TAOK3: variants seen among roughly 807,000 people sequenced by gnomAD.
The protein encoded by TAOK3 is serine/threonine-protein kinase TAO3.
Under a neutral mutation model 120.4 loss-of-function variants are expected in TAOK3, and 40 were observed. The ratio of observed to expected loss-of-function variants is 0.33; its 90% CI spans 0.26 to 0.43. The LOEUF (loss-of-function observed/expected upper bound fraction) is 0.43. Ranked by LOEUF, TAOK3 falls within the 20% of genes least tolerant of loss-of-function variation. The pLI is 1.00. For missense variants in TAOK3, 821 were observed against 1,112.1 expected, an observed-to-expected ratio of 0.74 and a Z score of 3.72; for synonymous variants, 355 against 387.5, an observed-to-expected ratio of 0.92 and a Z score of 0.99.
Position 118,235,611 on chromosome 12 carries a change from A to C in TAOK3, c.498T>G (p.Phe166Leu), listed in dbSNP as rs142649312. The change falls in exon 8 of 21, where the codon TTT becomes TTG. Residue 166 changes from phenylalanine to leucine, a missense_variant. Phe to Leu is a conservative substitution (Grantham distance 22, BLOSUM62 0). Transcript: ENST00000392533. ...CAGGAGAAGCCATTGAAGCAGATCCAAAATCAGCTAGTTTTACCTGACCTG... is the reference window on the plus strand; with the variant it reads ...CAGGAGAAGCCATTGAAGCAGATCCCAAATCAGCTAGTTTTACCTGACCTG... The part of the protein sequence containing the change: ...TEPGQVKLAD[F>L]GSASMASPAN... 354 of 1,613,954 alleles carry C rather than the reference A, an allele frequency of 2.2e-4. 2 individuals are homozygous for C. The highest frequency in any genetic ancestry group is 3.3e-4 in the Middle Eastern group (2 of 6,084).
chr12:118,153,920 T>G (rs895891706), intron 19 of TAOK3, among the ~76,000 whole-genome samples: 3 of 152,232 alleles, frequency 2.0e-5, no homozygotes, highest in Admixed American at 6.5e-5. Flanking sequence ...CATAATCATA[T>G]TTCCAAGGTA....
At chr12:118,246,516 A>T (rs1375376469) in intron 3 of TAOK3, 5 of 1,563,770 alleles carry the variant, frequency 3.2e-6, no homozygotes, top group Non-Finnish European at 4.3e-6. Flanking sequence ...TAAGTGCTCC[A>T]AGGAGGTGGC....
At chr12:118,230,619 C>G (rs1226899220) in intron 9 of TAOK3, among the ~76,000 whole-genome samples, 1 of 151,812 alleles carries the variant, frequency 6.6e-6, no homozygotes, top group East Asian at 1.9e-4. Flanking sequence ...CAGGCACCCA[C>G]CACCACACCT....
At chr12:118,327,649 G>T (rs2043987023) in intron 1 of TAOK3, among the ~76,000 whole-genome samples, 1 of 152,114 alleles carries the variant, frequency 6.6e-6, no homozygotes, top group African/African-American at 2.4e-5. Context: ...GGCAGAAGAA[G>T]AACTTCTATA....
At chr12:118,152,469 C>T (rs2034519259) in intron 19 of TAOK3, 60 bp from the exon 20 acceptor site, 2 of 1,512,242 alleles carry the variant, frequency 1.3e-6, no homozygotes, top group South Asian at 2.5e-5. Context: ...TGGTGGCCTA[C>T]AGCCCTTGGT....
intron 1 of TAOK3, among the ~76,000 whole-genome samples, chr12:118,308,973 T>C (rs1000138080): frequency 6.8e-6 from 1 of 146,848 alleles, no homozygotes; most frequent in Non-Finnish European, 1.5e-5. Flanking sequence ...TGTATGGTTG[T>C]AATTAATTGA....
intron 9 of TAOK3, among the ~76,000 whole-genome samples, chr12:118,219,073 C>T (rs759035449): frequency 1.1e-4 from 17 of 152,176 alleles, no homozygotes; most frequent in Admixed American, 5.2e-4. Context: ...TCTTGGACTT[C>T]ATTATCATGG....
intron 1 of TAOK3, among the ~76,000 whole-genome samples, chr12:118,344,743 TA>T (rs1315971369): frequency 2.6e-5 from 4 of 152,188 alleles, no homozygotes; most frequent in African/African-American, 4.8e-5. Flanking sequence ...ATATCACTGT[TA>T]AAAATACTAT....
chr12:118,353,239 G>T (rs948701229), intron 1 of TAOK3, among the ~76,000 whole-genome samples: 8 of 152,014 alleles, frequency 5.3e-5, no homozygotes, highest in Non-Finnish European at 8.8e-5. Context: ...GAATTTGCAG[G>T]AAAATAGTAG....
Position 118,199,196 on chromosome 12 carries a change from A to T in TAOK3, c.1049T>A (p.Ile350Asn), listed in dbSNP as rs751040754. ...GCCTGTGCTCACGGACATGCTTGGAATGGAATGGTTGCTGCCCAGGCTGTC... is the reference window on the plus strand; with the variant it reads ...GCCTGTGCTCACGGACATGCTTGGATTGGAATGGTTGCTGCCCAGGCTGTC... ...EMDSLGSNHS[I>N]PSMSVSTGSQ... Residue 350 changes from isoleucine (I) to asparagine (N), a missense_variant, in exon 13 of 21, where the codon ATT becomes AAT. This residue lies in a region of TAOK3 where 467 missense variants were observed against 540.0 expected (regional missense o/e 0.86). Transcript: ENST00000392533. 10 of 1,614,054 alleles carry T rather than the reference A, an allele frequency of 6.2e-6. No individual in the cohort carries two copies. Among genetic ancestry groups the T allele is most frequent in the Non-Finnish European group, 8.5e-6 (10 of 1,180,022 alleles).
intron 1 of TAOK3, among the ~76,000 whole-genome samples, chr12:118,337,545 AC>A (rs748991123): frequency 6.6e-5 from 10 of 152,234 alleles, no homozygotes; most frequent in Non-Finnish European, 1.3e-4. Context: ...GATTAAACAA[AC>A]TATAATACAT....
intron 1 of TAOK3, among the ~76,000 whole-genome samples, chr12:118,273,205 C>T (rs2041781755): frequency 6.6e-6 from 1 of 151,744 alleles, no homozygotes; most frequent in African/African-American, 2.4e-5. Flanking sequence ...TTGAGGGCCT[C>T]TTTAAGAAAA....
intron 1 of TAOK3, among the ~76,000 whole-genome samples, chr12:118,330,599 G>C (rs1350011954): frequency 6.6e-6 from 1 of 151,948 alleles, no homozygotes; most frequent in African/African-American, 2.4e-5. Flanking sequence ...ATACTGAATG[G>C]CAGCTCCTTT....
intron 19 of TAOK3, among the ~76,000 whole-genome samples, chr12:118,153,256 A>T (rs1314075451): frequency 2.0e-5 from 3 of 152,108 alleles, no homozygotes; most frequent in Non-Finnish European, 4.4e-5. Flanking sequence ...AAGATTTTTT[A>T]AAAAATTAGC....
chr12:118,290,957 G>A (rs1281756031), intron 1 of TAOK3, among the ~76,000 whole-genome samples: 19 of 149,012 alleles, frequency 1.3e-4, no homozygotes, highest in African/African-American at 7.5e-5. Context: ...GCGTGATCTC[G>A]GCTCACTGCA....
At chr12:118,305,757 A>C (rs183772109) in intron 1 of TAOK3, among the ~76,000 whole-genome samples, 2 of 152,048 alleles carry the variant, frequency 1.3e-5, no homozygotes, top group East Asian at 3.9e-4. Context: ...TACAAAAATT[A>C]GCAGGGTGTG....
At chr12:118,320,444 T>C (rs1417353995) in intron 1 of TAOK3, among the ~76,000 whole-genome samples, 4 of 151,930 alleles carry the variant, frequency 2.6e-5, no homozygotes, top group Non-Finnish European at 5.9e-5. Flanking sequence ...AAAAAGTATA[T>C]AATAAGATAC....
intron 17 of TAOK3, among the ~76,000 whole-genome samples, chr12:118,170,963 T>C (rs951062359): frequency 6.6e-6 from 1 of 152,232 alleles, no homozygotes; most frequent in African/African-American, 2.4e-5. Context: ...GTTTCCCTCA[T>C]GTAGGCTAAC....
intron 17 of TAOK3, among the ~76,000 whole-genome samples, chr12:118,166,847 T>TAC (rs200569755): frequency 0.021 from 2,795 of 135,272 alleles, 102 homozygotes; most frequent in Admixed American, 0.094. Context: ...CACACACACA[T>TAC]ACACACACAC....
Sources: allele counts gnomAD v4.1 joint callset (sites outside exome capture counted in the v4.1 genomes callset), GRCh38; gene constraint gnomAD v4.1.1; regional missense constraint gnomAD v4.1.1; transcripts MANE v1.5; gene names NCBI Gene and HGNC (gene_info 2026-07-23, HGNC 2026-07-21).